ARHGEF4: variants seen among roughly 807,000 people sequenced by gnomAD.
ARHGEF4 encodes Rho guanine nucleotide exchange factor 4, also known as APC-stimulated guanine nucleotide exchange factor 1.
ARHGEF4 carries 119 observed loss-of-function variants against 162.0 expected under a neutral mutation model. That is an observed-to-expected ratio of 0.73 (90% CI 0.63 to 0.86). ARHGEF4 has a LOEUF of 0.86. ARHGEF4 is among the 40% of genes least tolerant of loss of function. ARHGEF4 has a pLI of 0.00. For synonymous variants in ARHGEF4, 1,014 were observed against 979.9 expected (o/e 1.03, Z -0.65); for missense variants, 2,488 against 2,456.0 (o/e 1.01, Z -0.28).
rs970083220 is a variant in ARHGEF4, at chr2:130,954,117, A to G, written c.3985+7482A>G. On this transcript the variant is annotated intron_variant, in intron 4 of 13. Transcript: ENST00000409359. ...ACACGTGCACATGTATGTTTATTGC[A>G]GCACTGTTCACAATAGCAAAGACTT... 4.0e-4 allele frequency among the ~76,000 whole-genome samples: 61 copies of G among 152,338 alleles called. No homozygotes were observed. The Middle Eastern group carries it at 0.014, about 34-fold the overall frequency.
At chr2:130,903,020 T>C (rs953416280) in intron 1 of ARHGEF4, among the ~76,000 whole-genome samples, 1 of 152,168 alleles carries the variant, frequency 6.6e-6, no homozygotes, top group African/African-American at 2.4e-5. Flanking sequence ...CTCTGCCTTT[T>C]CTATATTGCT....
At chr2:130,960,762 G>T (rs912131845) in intron 4 of ARHGEF4, among the ~76,000 whole-genome samples, 2 of 152,102 alleles carry the variant, frequency 1.3e-5, no homozygotes, top group African/African-American at 4.8e-5. Flanking sequence ...TTTGTCCCCA[G>T]AGATCCCCAG....
intron 11 of ARHGEF4, 54 bp from the exon 12 acceptor site, chr2:131,044,245 G>A: frequency 6.3e-7 from 1 of 1,597,910 alleles, no homozygotes; most frequent in Non-Finnish European, 8.5e-7. Context: ...GGAGCAGCCA[G>A]GAAATGGTCA....
chr2:130,889,082 G>A (rs1335841433), intron 1 of ARHGEF4, among the ~76,000 whole-genome samples: 1 of 148,548 alleles, frequency 6.7e-6, no homozygotes, highest in African/African-American at 2.5e-5. Flanking sequence ...TCCGGCCTGG[G>A]CAACAAGAAC....
Position 131,040,009 on chromosome 2 carries a change from C to G in ARHGEF4, c.4306-7C>G. On this transcript the variant is annotated splice_region_variant and splice_polypyrimidine_tract_variant and intron_variant, in intron 6 of 13. Coordinates refer to ENST00000409359, the MANE Select transcript of ARHGEF4 (RefSeq NM_001367493.1). The stretch of plus-strand genomic sequence containing the variant: ...CGGGGCACTGACCGGCCACGCATGG[C>G]CTGCAGCTGAGGGTGAATCAGGACG... 2 of 1,554,022 alleles carry G rather than the reference C, an allele frequency of 1.3e-6. No individual in the cohort carries two copies. Among genetic ancestry groups the G allele is most frequent in the South Asian group, 2.4e-5 (2 of 84,596 alleles).
intron 1 of ARHGEF4, among the ~76,000 whole-genome samples, chr2:130,865,618 T>C (rs1682216299): frequency 6.6e-6 from 1 of 152,240 alleles, no homozygotes. Context: ...TGCGGTGCTG[T>C]CGACTGCTGA....
intron 5 of ARHGEF4, 39 bp downstream of exon 5, chr2:131,028,123 T>G: frequency 6.2e-7 from 1 of 1,609,242 alleles, no homozygotes; most frequent in Non-Finnish European, 8.5e-7. Flanking sequence ...AGGGACAGGC[T>G]GGGGCTACAG....
At chr2:130,924,669 G>A (rs1341155107) in intron 2 of ARHGEF4, among the ~76,000 whole-genome samples, 2 of 152,202 alleles carry the variant, frequency 1.3e-5, no homozygotes, top group African/African-American at 4.8e-5. Context: ...AGGCTCCAGC[G>A]TCTGCTGAAG....
At chr2:131,020,660 A>G (rs1163616408) in intron 4 of ARHGEF4, among the ~76,000 whole-genome samples, 1 of 152,128 alleles carries the variant, frequency 6.6e-6, no homozygotes, top group Non-Finnish European at 1.5e-5. Context: ...TTACCTGTGC[A>G]TGTGTCTTTA....
intron 5 of ARHGEF4, chr2:131,035,837 GT>G: frequency 2.0e-6 from 2 of 985,402 alleles, no homozygotes; most frequent in Non-Finnish European, 2.4e-6. Flanking sequence ...TGCACGTCTG[GT>G]AGGTGGGCAG....
At chr2:130,933,157 G>A (rs1350196244) in intron 3 of ARHGEF4, among the ~76,000 whole-genome samples, 1 of 151,566 alleles carries the variant, frequency 6.6e-6, no homozygotes, top group African/African-American at 2.4e-5. Context: ...AGAGGTCACA[G>A]TGAGCCAAGA....
In ARHGEF4 at chr2:131,041,277, C is replaced by T. The variant is rs1272072860; in HGVS notation, c.4710C>T (p.Asn1570=). ...CGGAGTACTGCAATAACCACCCCAA[C>T]GCCTGCGTGGAGCTCTCCCGGCTCA... is the stretch of plus-strand genomic sequence containing the variant. ...IYSEYCNNHP[N]ACVELSRLTK... is the part of the protein sequence containing the mutation. The change falls in exon 9 of 14, where the codon AAC becomes AAT. Residue 1570 remains asparagine, a synonymous_variant. Coordinates refer to ENST00000409359, the MANE Select transcript of ARHGEF4 (RefSeq NM_001367493.1). 3 of 1,613,926 alleles carry T rather than the reference C, an allele frequency of 1.9e-6. No individual in the cohort carries two copies. Among genetic ancestry groups the T allele is most frequent in the Non-Finnish European group, 1.7e-6 (2 of 1,180,034 alleles).
At chr2:130,996,570 A>C (rs1326388761) in intron 4 of ARHGEF4, among the ~76,000 whole-genome samples, 4 of 152,212 alleles carry the variant, frequency 2.6e-5, no homozygotes, top group African/African-American at 9.7e-5. Context: ...GATTGCCTTC[A>C]ACTGTCTACT....
At chr2:130,879,378 A>G (rs1028647992) in intron 1 of ARHGEF4, among the ~76,000 whole-genome samples, 3 of 152,224 alleles carry the variant, frequency 2.0e-5, no homozygotes, top group Admixed American at 2.0e-4. Flanking sequence ...ATATATGTAT[A>G]CATTGTGGAA....
intron 4 of ARHGEF4, chr2:130,964,052 C>A: frequency 1.8e-6 from 1 of 541,774 alleles, no homozygotes; most frequent in Non-Finnish European, 2.4e-6. Context: ...TGCGTGCGGG[C>A]GCAGCAATGC....
chr2:130,915,816 G>T lies in ARHGEF4; in HGVS notation c.1870G>T (p.Ala624Ser), dbSNP rs769605233. 2.8e-5 allele frequency: 43 copies of T among 1,524,816 alleles called. No homozygotes were observed. The highest frequency in any genetic ancestry group is 3.7e-5 in the Non-Finnish European group (42 of 1,134,806). 94.5% of individuals were successfully genotyped at this position (1,524,816 alleles called of 1,614,324 possible). ...RQLEPKAGGE[A>S]SRGRGALIIV... ...GCTGGAGCCCAAAGCAGGCGGCGAG[G>T]CCTCGAGGGGCAGGGGCGCCCTCAT... The change falls in exon 2 of 14, where the codon GCC (alanine) becomes TCC (serine). Residue 624 changes from alanine to serine, a missense_variant. Ala to Ser is a moderately conservative substitution (Grantham distance 99). This residue lies in a region of ARHGEF4 where 1,642 missense variants were observed against 1,481.5 expected (regional missense o/e 1.11). Coordinates refer to ENST00000409359, the MANE Select transcript of ARHGEF4 (RefSeq NM_001367493.1).
At chr2:130,903,516 C>G (rs1680634711) in intron 1 of ARHGEF4, among the ~76,000 whole-genome samples, 1 of 152,148 alleles carries the variant, frequency 6.6e-6, no homozygotes, top group Non-Finnish European at 1.5e-5. Flanking sequence ...TCTTGGCCTC[C>G]CAAAGTGATG....
At chr2:130,951,960 A>G (rs530101735) in intron 4 of ARHGEF4, among the ~76,000 whole-genome samples, 108 of 151,892 alleles carry the variant, frequency 7.1e-4, no homozygotes, top group African/African-American at 2.6e-3. Flanking sequence ...TCTCTCATCT[A>G]CCTCCTTTAT....
intron 12 of ARHGEF4, 74 bp downstream of exon 12, chr2:131,044,616 G>C: frequency 6.6e-7 from 1 of 1,509,122 alleles, no homozygotes; most frequent in South Asian, 1.3e-5. Context: ...CCGCCTGCCG[G>C]TCAGGAGAGC....
Sources: gnomAD v4.1 joint callset for allele counts (sites outside exome capture counted in the v4.1 genomes callset) on GRCh38, gnomAD v4.1.1 for gene constraint, gnomAD v4.1.1 regional missense constraint, MANE v1.5 for transcripts, NCBI Gene and HGNC (gene_info 2026-07-23, HGNC 2026-07-21) for gene names.